GRAMD2B: variants seen among roughly 807,000 people sequenced by gnomAD.
The protein encoded by GRAMD2B is GRAM domain containing 2B.
GRAMD2B carries 41 observed loss-of-function variants against 59.2 expected under a neutral mutation model. The observed-to-expected ratio is 0.69, with a 90% CI of 0.54 to 0.90. The LOEUF (loss-of-function observed/expected upper bound fraction) is 0.90. Among genes scored for constraint, GRAMD2B ranks in the 40% least tolerant of loss-of-function variants. GRAMD2B has a pLI of 0.00. For missense variants in GRAMD2B, 424 were observed against 500.5 expected (o/e 0.85, Z 1.46); for synonymous variants, 161 against 182.7 (o/e 0.88, Z 0.96).
At chr5:126,382,835 G>C (rs1026800722) in intron 1 of GRAMD2B, among the ~76,000 whole-genome samples, 1 of 152,188 alleles carries the variant, frequency 6.6e-6, no homozygotes, top group African/African-American at 2.4e-5. Flanking sequence ...TCAGAGGGAA[G>C]ATCTGGGGCT....
chr5:126,486,604 TC>T (rs572005971), intron 11 of GRAMD2B, among the ~76,000 whole-genome samples: 119 of 152,318 alleles, frequency 7.8e-4, no homozygotes, highest in African/African-American at 2.5e-3. Flanking sequence ...GGCTTGGTAC[TC>T]CAACTTGGGT....
At position 126,484,542 on chromosome 5, in the gene GRAMD2B, CAGG is replaced by C; in HGVS notation, c.970+19_970+21del. On this transcript the variant is annotated intron_variant, in intron 10 of 13. Transcript: ENST00000285689. ...TGTACAGGGTAAGGAATGGATGTCT[CAGG>C]GGGGTGGGTTTAGAAGGATTGGAGA... 3 of 1,596,856 alleles carry C rather than the reference CAGG, an allele frequency of 1.9e-6. No individual in the cohort carries two copies. The highest frequency in any genetic ancestry group is 2.6e-6 in the Non-Finnish European group (3 of 1,174,362).
intron 1 of GRAMD2B, among the ~76,000 whole-genome samples, chr5:126,459,762 T>C (rs1766998516): frequency 6.6e-6 from 1 of 152,380 alleles, no homozygotes; most frequent in South Asian, 2.1e-4. Context: ...GCTATTATGC[T>C]AGGTACTTCA....
chr5:126,472,211 G>A (rs1240066795), intron 3 of GRAMD2B, 27 bp from the exon 4 acceptor site: 6 of 1,564,424 alleles, frequency 3.8e-6, no homozygotes, highest in Middle Eastern at 1.7e-4. Context: ...TGAGAATGGT[G>A]ATGCTTGTAT....
In GRAMD2B at chr5:126,463,983, G is replaced by A. The variant is rs180802198; in HGVS notation, c.84-1443G>A. ...GCAGTGGTTGCAGTGAGCCGAGATC[G>A]TGCCACTGCACTCCAGCCTGGGCAA... is the stretch of plus-strand genomic sequence containing the variant. On this transcript the variant is annotated intron_variant, in intron 1 of 13. Coordinates refer to ENST00000285689, the MANE Select transcript of GRAMD2B (RefSeq NM_023927.4). 6.1e-3 allele frequency among the ~76,000 whole-genome samples: 932 copies of A among 151,736 alleles called. 38 individuals are homozygous for A. Among genetic ancestry groups the A allele is most frequent in the Admixed American group, 0.049 (747 of 15,234 alleles).
At chr5:126,491,195 T>C (rs1247735882) in intron 13 of GRAMD2B, among the ~76,000 whole-genome samples, 1 of 152,236 alleles carries the variant, frequency 6.6e-6, no homozygotes, top group African/African-American at 2.4e-5. Flanking sequence ...GTGTGTTTTG[T>C]GGATTTGGGA....
upstream of GRAMD2B, among the ~76,000 whole-genome samples, chr5:126,420,070 A>AAAAAAG (rs1554076419): frequency 1.6e-4 from 23 of 148,218 alleles, no homozygotes; most frequent in Non-Finnish European, 2.8e-4. Flanking sequence ...AAAAAAAAAA[A>AAAAAAG]AAAGAAAGAA....
chr5:126,453,698 T>C (rs2126698722), intron 1 of GRAMD2B, among the ~76,000 whole-genome samples: 1 of 152,328 alleles, frequency 6.6e-6, no homozygotes, highest in Non-Finnish European at 1.5e-5. Context: ...TCCATATGGT[T>C]TCAAATTATT....
chr5:126,454,014 T>C (rs1765827006), intron 1 of GRAMD2B, among the ~76,000 whole-genome samples: 2 of 152,348 alleles, frequency 1.3e-5, no homozygotes, highest in South Asian at 2.1e-4. Context: ...GGGAATGTAA[T>C]TGGATTTGTT....
At chr5:126,482,631 A>G (rs932110381) in intron 8 of GRAMD2B, among the ~76,000 whole-genome samples, 3 of 152,238 alleles carry the variant, frequency 2.0e-5, no homozygotes, top group Admixed American at 6.5e-5. Flanking sequence ...GAAATTTTCA[A>G]TTTTCCTTCT....
upstream of GRAMD2B, among the ~76,000 whole-genome samples, chr5:126,419,217 G>A (rs1252073531): frequency 6.6e-6 from 1 of 152,126 alleles, no homozygotes; most frequent in African/African-American, 2.4e-5. Flanking sequence ...TGTGGGCAGT[G>A]CAGACTTCTG....
At chr5:126,484,122 C>T (rs375361419) in intron 9 of GRAMD2B, among the ~76,000 whole-genome samples, 3 of 152,204 alleles carry the variant, frequency 2.0e-5, no homozygotes, top group Admixed American at 6.5e-5. Context: ...GCCACCGCAC[C>T]GGCCTATTTT....
At chr5:126,465,897 C>G (rs771807970) in intron 2 of GRAMD2B, among the ~76,000 whole-genome samples, 1 of 151,936 alleles carries the variant, frequency 6.6e-6, no homozygotes, top group African/African-American at 2.4e-5. Context: ...TCCTAGGGGC[C>G]GTGAAAAAAA....
chr5:126,397,431 C>T (rs1330703252), intron 1 of GRAMD2B, among the ~76,000 whole-genome samples: 1 of 152,050 alleles, frequency 6.6e-6, no homozygotes, highest in Non-Finnish European at 1.5e-5. Context: ...TTCCATGTTG[C>T]CCAGCCTGGT....
At chr5:126,379,964 A>G (rs894877657) in intron 1 of GRAMD2B, among the ~76,000 whole-genome samples, 8 of 152,154 alleles carry the variant, frequency 5.3e-5, no homozygotes, top group African/African-American at 1.9e-4. Flanking sequence ...TTGGGTTCTT[A>G]GTCATGAAGC....
chr5:126,476,428 G>A (rs903198471), intron 5 of GRAMD2B, among the ~76,000 whole-genome samples: 5 of 152,196 alleles, frequency 3.3e-5, no homozygotes, highest in African/African-American at 1.2e-4. Flanking sequence ...ATGGCTGTGC[G>A]TGACTCTATT....
intron 1 of GRAMD2B, among the ~76,000 whole-genome samples, chr5:126,391,303 G>A (rs1756725331): frequency 3.9e-5 from 2 of 51,104 alleles, no homozygotes; most frequent in South Asian, 1.4e-3. Context: ...CTGGGCAAGA[G>A]AGGGAGACTC....
intron 13 of GRAMD2B, 56 bp downstream of exon 13, chr5:126,488,948 C>T (rs1773452777): frequency 7.6e-7 from 1 of 1,313,086 alleles, no homozygotes; most frequent in Admixed American, 1.7e-5. Flanking sequence ...TGTTGGTTGC[C>T]CTAGGTCAGG....
At chr5:126,431,764 A>T (rs943139595) in intron 1 of GRAMD2B, among the ~76,000 whole-genome samples, 93 of 143,832 alleles carry the variant, frequency 6.5e-4, no homozygotes, top group Non-Finnish European at 9.1e-4. Flanking sequence ...GTTATATTGA[A>T]AGGAGAAAGA....
Sources: gnomAD v4.1 joint callset for allele counts (sites outside exome capture counted in the v4.1 genomes callset) on GRCh38, gnomAD v4.1.1 for gene constraint, MANE v1.5 for transcripts, NCBI Gene and HGNC (gene_info 2026-07-23, HGNC 2026-07-21) for gene names.